The following MYT1L variants were observed in gnomAD, a reference collection of about 807,000 sequenced individuals.
MYT1L encodes the protein myelin transcription factor 1-like protein.
A neutral mutation model predicts 126.7 loss-of-function variants in MYT1L; 12 were observed. The observed-to-expected ratio is 0.09, with a 90% CI of 0.06 to 0.15. The LOEUF (loss-of-function observed/expected upper bound fraction) is 0.15, where lower values mean the gene tolerates loss of function less well. Among genes scored for constraint, MYT1L ranks in the 10% least tolerant of loss-of-function variants. The pLI is 1.00. For synonymous variants in MYT1L, 541 were observed against 604.2 expected (o/e 0.90, Z 1.53); for missense variants, 979 against 1,585.2 (o/e 0.62, Z 6.49).
At chr2:1,914,677 C>G (rs1348875762) in intron 11 of MYT1L, among the ~76,000 whole-genome samples, 2 of 152,230 alleles carry the variant, frequency 1.3e-5, no homozygotes, top group South Asian at 2.1e-4. Context: ...GCTTTCTGTA[C>G]AGATTATCGG....
At chr2:2,222,737 G>C (rs2093912842) in intron 2 of MYT1L, among the ~76,000 whole-genome samples, 1 of 151,978 alleles carries the variant, frequency 6.6e-6, no homozygotes, top group African/African-American at 2.4e-5. Flanking sequence ...TTGAGGAGAA[G>C]GAATCCTAAA....
At chr2:2,007,856 T>C (rs1157745786) in intron 4 of MYT1L, among the ~76,000 whole-genome samples, 1 of 152,180 alleles carries the variant, frequency 6.6e-6, no homozygotes, top group Non-Finnish European at 1.5e-5. Context: ...ATAGTTTAAA[T>C]GATAATTAAT....
At chr2:2,247,688 C>T (rs1425245634) in intron 2 of MYT1L, among the ~76,000 whole-genome samples, 1 of 152,114 alleles carries the variant, frequency 6.6e-6, no homozygotes, top group Admixed American at 6.6e-5. Context: ...CTTCTCTGAT[C>T]ACAATGGAAT....
intron 3 of MYT1L, among the ~76,000 whole-genome samples, chr2:2,071,841 C>T (rs1232813030): frequency 6.6e-6 from 1 of 152,106 alleles, no homozygotes. Context: ...ATGAGGTGAT[C>T]GTGACCTAAA....
chr2:2,206,197 C>T (rs1016089244), intron 2 of MYT1L, among the ~76,000 whole-genome samples: 9 of 152,102 alleles, frequency 5.9e-5, no homozygotes, highest in Admixed American at 2.0e-4. Context: ...AGGCTGGTTT[C>T]GAACTCCCGA....
intron 2 of MYT1L, among the ~76,000 whole-genome samples, chr2:2,188,255 C>T (rs1326235174): frequency 3.3e-5 from 5 of 152,158 alleles, no homozygotes; most frequent in African/African-American, 1.2e-4. Context: ...TTGACAAACC[C>T]AAAACAACAT....
intron 3 of MYT1L, among the ~76,000 whole-genome samples, chr2:2,137,205 G>C (rs1159722377): frequency 6.6e-6 from 1 of 152,136 alleles, no homozygotes; most frequent in Non-Finnish European, 1.5e-5. Context: ...CAAACAAATG[G>C]AAGAACATTC....
chr2:1,969,735 T>TGCA (rs1387915221), intron 8 of MYT1L, among the ~76,000 whole-genome samples: 1 of 152,198 alleles, frequency 6.6e-6, no homozygotes, highest in Non-Finnish European at 1.5e-5. Flanking sequence ...AAGGCCTTCC[T>TGCA]GCAGCCCTCT....
At chr2:2,187,924 A>G (rs2092326468) in intron 2 of MYT1L, among the ~76,000 whole-genome samples, 1 of 152,160 alleles carries the variant, frequency 6.6e-6, no homozygotes, top group African/African-American at 2.4e-5. Flanking sequence ...CATATATATA[A>G]TAAACATGTA....
intron 4 of MYT1L, among the ~76,000 whole-genome samples, chr2:2,024,013 T>G (rs567163594): frequency 5.3e-5 from 8 of 152,252 alleles, no homozygotes; most frequent in African/African-American, 1.9e-4. Flanking sequence ...AAACTTGGAC[T>G]CTCTTCCGAG....
At chr2:1,931,483 C>T (rs1041469115) in intron 9 of MYT1L, among the ~76,000 whole-genome samples, 3 of 150,116 alleles carry the variant, frequency 2.0e-5, no homozygotes, top group Middle Eastern at 6.9e-3. Context: ...GCGATGCCCA[C>T]GTCTGCTGCG....
chr2:2,302,629 A>G (rs2095801556), intron 1 of MYT1L, among the ~76,000 whole-genome samples: 3 of 152,232 alleles, frequency 2.0e-5, no homozygotes, highest in Admixed American at 2.0e-4. Flanking sequence ...GTCCCTAGAA[A>G]GATAGACAGC....
At chr2:2,135,369 C>T (rs1364456256) in intron 3 of MYT1L, among the ~76,000 whole-genome samples, 2 of 152,206 alleles carry the variant, frequency 1.3e-5, no homozygotes, top group African/African-American at 4.8e-5. Flanking sequence ...CTTTGCCTTC[C>T]ACCATGATTG....
At chr2:1,954,468 C>T (rs934597712) in intron 8 of MYT1L, among the ~76,000 whole-genome samples, 6 of 152,196 alleles carry the variant, frequency 3.9e-5, no homozygotes, top group South Asian at 2.1e-4. Flanking sequence ...CACACCAGTG[C>T]TCTACATCAG....
At chr2:1,944,415 T>C (rs1383513571) in intron 8 of MYT1L, among the ~76,000 whole-genome samples, 1 of 152,134 alleles carries the variant, frequency 6.6e-6, no homozygotes, top group Non-Finnish European at 1.5e-5. Context: ...CGCAGGCAAA[T>C]ACTCCATTTA....
At chr2:2,279,906 T>C (rs563237258) in intron 2 of MYT1L, among the ~76,000 whole-genome samples, 2 of 152,290 alleles carry the variant, frequency 1.3e-5, no homozygotes, top group East Asian at 3.9e-4. Context: ...GATTTATCTA[T>C]TTAAGAAGCA....
At chr2:1,986,481 T>C (rs2061031585) in intron 5 of MYT1L, among the ~76,000 whole-genome samples, 1 of 152,300 alleles carries the variant, frequency 6.6e-6, no homozygotes, top group East Asian at 1.9e-4. Context: ...GGGAAGCTAA[T>C]GGAACATTTG....
intron 3 of MYT1L, among the ~76,000 whole-genome samples, chr2:2,110,484 G>A (rs1042280361): frequency 3.9e-5 from 6 of 151,902 alleles, no homozygotes; most frequent in African/African-American, 9.7e-5. Flanking sequence ...GCCAGGGGTC[G>A]CTTTTCTGCT....
Position 2,059,927 on chromosome 2 carries a change from C to T in MYT1L, c.-303-5804G>A, listed in dbSNP as rs1213998919. Among the ~76,000 whole-genome samples, 10 of 152,050 alleles carry T rather than the reference C, an allele frequency of 6.6e-5. No individual in the cohort carries two copies. The highest frequency in any genetic ancestry group is 4.4e-5 in the Non-Finnish European group (3 of 68,010). On this transcript the variant is annotated intron_variant, in intron 3 of 24. Transcript: ENST00000647738. The surrounding 1 kb of genome is among the most constrained non-coding windows in gnomAD (Gnocchi z 4.7). The stretch of plus-strand genomic sequence containing the variant: ...ATACCATGCTGTAACTGTAGATCTC[C>T]TAAGCGGCACCCCAACCCCACCACG...
Sources: allele counts gnomAD v4.1 joint callset (sites outside exome capture counted in the v4.1 genomes callset), GRCh38; gene constraint gnomAD v4.1.1; non-coding constraint Gnocchi (gnomAD v3.1); transcripts MANE v1.5; gene names NCBI Gene and HGNC (gene_info 2026-07-23, HGNC 2026-07-21).